Variants in MYLK3 observed in about 807,000 individuals in gnomAD.
The protein encoded by MYLK3 is MLC kinase.
Under a neutral mutation model 76.3 loss-of-function variants are expected in MYLK3, and 55 were observed. The observed-to-expected ratio is 0.72, with a 90% CI of 0.58 to 0.90. The LOEUF is 0.90. Ranked by LOEUF, MYLK3 falls within the 40% of genes least tolerant of loss-of-function variation. The probability of loss-of-function intolerance (pLI) is 0.00; values close to 1 mark genes in which losing one functional copy is unlikely to be tolerated. For missense variants in MYLK3, 973 were observed against 1,053.6 expected (o/e 0.92, Z 1.06); for synonymous variants, 416 against 425.4 (o/e 0.98, Z 0.27).
chr16:46,714,019 C>T (rs1401567987), intron 9 of MYLK3, among the ~76,000 whole-genome samples: 4 of 152,060 alleles, frequency 2.6e-5, no homozygotes, highest in Non-Finnish European at 5.9e-5. Context: ...TTTTTAACCA[C>T]AATTCCAAAA....
In MYLK3 at chr16:46,706,293, CT is replaced by C. The variant is rs60275113; in HGVS notation, c.*1410del. Reference sequence around the variant, plus strand: ...TGTGTATATATACATATACTGTATTCTTTTTTTTTTTTTTTTTTGAGACGGA... The same window carrying C: ...TGTGTATATATACATATACTGTATTCTTTTTTTTTTTTTTTTTGAGACGGA... On this transcript the variant is annotated 3_prime_UTR_variant, in exon 13 of 13. Coordinates refer to ENST00000394809, the MANE Select transcript of MYLK3 (RefSeq NM_182493.3). 2.7e-3 allele frequency: 353 copies of C among 131,900 alleles called. No individual in the cohort carries two copies. Among genetic ancestry groups the C allele is most frequent in the African/African-American group, 3.8e-3 (136 of 36,066 alleles). The allele number at this position is 131,900 out of a possible 1,614,324, so 8.2% of individuals were successfully genotyped here.
Position 46,737,588 on chromosome 16 carries a change from C to T in MYLK3, c.1001+123G>A, listed in dbSNP as rs1327086418. On this transcript the variant is annotated intron_variant, in intron 3 of 12. Transcript: ENST00000394809. ...CCCAGAGGCAGGGCCCAGGCCTCCT[C>T]CCCATTCCCCTCGCAAGAACAGCCC... 2.1e-5 allele frequency: 20 copies of T among 954,964 alleles called. No homozygotes were observed. The Admixed American group carries it at 3.5e-4, about 17-fold the overall frequency. 59.2% of individuals were successfully genotyped at this position (954,964 alleles called of 1,614,324 possible). A position where few individuals can be genotyped will look rare whatever the true frequency, so the allele number is the denominator to read the frequency against.
rs142957920 is a variant in MYLK3, at chr16:46,730,746, C to G, written c.1463-48G>C. The G allele has an allele frequency of 5.4e-5, 84 of 1,557,690 alleles. 1 individual carries two copies. In the East Asian group the frequency reaches 1.9e-3, roughly 35 times the overall value. On this transcript the variant is annotated intron_variant, in intron 4 of 12. Coordinates refer to ENST00000394809, the MANE Select transcript of MYLK3 (RefSeq NM_182493.3). ...CTGTGAGCCTCCTCTGTGCAGCCCACACCTCTCGGTCACCTGTGCCAGACC... is the reference window on the plus strand; with the variant it reads ...CTGTGAGCCTCCTCTGTGCAGCCCAGACCTCTCGGTCACCTGTGCCAGACC...
chr16:46,707,971 T>C (rs991564758), intron 12 of MYLK3, among the ~76,000 whole-genome samples: 2 of 151,730 alleles, frequency 1.3e-5, no homozygotes, highest in African/African-American at 4.9e-5. Flanking sequence ...AGTGGGAAGA[T>C]ACATCATCCT....
At position 46,755,762 on chromosome 16, in the gene MYLK3, G is replaced by A. The variant is rs75669162; in HGVS notation, c.-114+7278C>T. 7.2e-4 allele frequency among the ~76,000 whole-genome samples: 110 copies of A among 152,206 alleles called. 1 individual carries two copies. The East Asian group carries it at 0.011, about 15-fold the overall frequency. On this transcript the variant is annotated intron_variant, in intron 1 of 11. Coordinates refer to the MYLK3 transcript ENST00000536476. ...TAACACATACCCTCATGGAGTGGTCGGGAGGTGCCATGAGAATGCCTGAGA... is the reference window on the plus strand; with the variant it reads ...TAACACATACCCTCATGGAGTGGTCAGGAGGTGCCATGAGAATGCCTGAGA...
rs556424839 is a variant in MYLK3, at chr16:46,721,615, G to C, written c.1915-422C>G. Among the ~76,000 whole-genome samples, 7 of 152,330 alleles carry C rather than the reference G, an allele frequency of 4.6e-5. No individual in the cohort carries two copies. In the South Asian group the frequency reaches 1.4e-3, roughly 32 times the overall value. The stretch of plus-strand genomic sequence containing the variant: ...ATTGCTGGGCTCAAGAGATCCTCCA[G>C]CCTCAGCCTCCCAAAATGCTGGGCT... On this transcript the variant is annotated intron_variant, in intron 8 of 12. Coordinates refer to ENST00000394809, the MANE Select transcript of MYLK3 (RefSeq NM_182493.3).
At chr16:46,720,681 C>T (rs1330369338) in intron 9 of MYLK3, among the ~76,000 whole-genome samples, 1 of 152,182 alleles carries the variant, frequency 6.6e-6, no homozygotes, top group East Asian at 1.9e-4. Context: ...AACACCTACC[C>T]ATGGCGCCAC....
intron 8 of MYLK3, chr16:46,726,571 A>C (rs1399110953): frequency 6.6e-6 from 1 of 151,494 alleles, no homozygotes; most frequent in African/African-American, 2.4e-5. Flanking sequence ...TCTCCAAAAA[A>C]GAAAGAGAGG....
At chr16:46,750,562 C>T (rs1017055981), upstream of MYLK3, among the ~76,000 whole-genome samples, 4 of 152,154 alleles carry the variant, frequency 2.6e-5, no homozygotes, top group South Asian at 2.1e-4. Flanking sequence ...GGCATGATGG[C>T]GTGCACCTAT....
In MYLK3 at chr16:46,712,690, A is replaced by G; in HGVS notation, c.2072T>C (p.Phe691Ser). The G allele has an allele frequency of 6.3e-7, 1 of 1,595,442 alleles. No individual in the cohort carries two copies. The highest frequency in any genetic ancestry group is 8.5e-7 in the Non-Finnish European group (1 of 1,170,670). The change falls in exon 10 of 13, where the codon TTC (phenylalanine) becomes TCC (serine). Residue 691 changes from phenylalanine (F) to serine (S), a missense_variant. Around this residue, in one of 2 missense-constraint regions of MYLK3, gnomAD observed 332 missense variants for 416.6 expected, o/e 0.80. Transcript: ENST00000394809. ...TCCCACACTCCACATGTCTGTGGGG[A>G]ATGAGACAAACTCATAATTGACGAC... ...PEVVNYEFVSFPTDMWSVGVI... is the reference protein window; with the variant it reads ...PEVVNYEFVSSPTDMWSVGVI...
At chr16:46,740,548 TA>T (rs1966913318) in intron 1 of MYLK3, among the ~76,000 whole-genome samples, 11 of 102,506 alleles carry the variant, frequency 1.1e-4, no homozygotes, top group African/African-American at 4.0e-4. Context: ...TATATATATA[TA>T]TATTTTTTTT....
chr16:46,709,474 A>G, intron 12 of MYLK3, 65 bp downstream of exon 12: 2 of 1,511,300 alleles, frequency 1.3e-6, no homozygotes, highest in Non-Finnish European at 1.8e-6. Context: ...AAACTTAGCT[A>G]CAGTTTTTTC....
At chr16:46,747,696 G>A (rs1353788835) in intron 1 of MYLK3, 21 bp downstream of exon 1, 6 of 1,601,786 alleles carry the variant, frequency 3.7e-6, no homozygotes. Flanking sequence ...ATCCAGCCAG[G>A]GCAGGGAAGC....
Position 46,737,700 on chromosome 16 carries a change from G to A in MYLK3, c.1001+11C>T. 1.3e-6 allele frequency: 2 copies of A among 1,584,382 alleles called. No individual in the cohort carries two copies. Among genetic ancestry groups the A allele is most frequent in the Non-Finnish European group, 8.6e-7 (1 of 1,161,972 alleles). On this transcript the variant is annotated intron_variant, in intron 3 of 12. Transcript: ENST00000394809. ...CCCCTCCCTCACCCAGCCTGGAAGAGCTCCCCTTACCTTGGAGGTGTTTCT... is the reference window on the plus strand; with the variant it reads ...CCCCTCCCTCACCCAGCCTGGAAGAACTCCCCTTACCTTGGAGGTGTTTCT...
chr16:46,727,977 T>C (rs2143014515), intron 7 of MYLK3, among the ~76,000 whole-genome samples: 1 of 152,352 alleles, frequency 6.6e-6, no homozygotes, highest in South Asian at 2.1e-4. Context: ...ACCAGGGCTG[T>C]GAACTCATTC....
intron 1 of MYLK3, among the ~76,000 whole-genome samples, chr16:46,758,707 G>T (rs141181878): frequency 5.3e-5 from 8 of 152,260 alleles, no homozygotes; most frequent in Admixed American, 3.3e-4. Flanking sequence ...GATGGGAAGG[G>T]GCTTTCTGAA....
intron 1 of MYLK3, 69 bp from the exon 2 acceptor site, chr16:46,740,216 T>C: frequency 8.0e-7 from 1 of 1,242,716 alleles, no homozygotes; most frequent in Non-Finnish European, 1.2e-6. Context: ...AGACATTTGT[T>C]TAGCACCTCC....
At chr16:46,716,473 ATGTG>A (rs1203160291) in intron 9 of MYLK3, among the ~76,000 whole-genome samples, 4 of 146,400 alleles carry the variant, frequency 2.7e-5, no homozygotes, top group African/African-American at 7.6e-5. Flanking sequence ...GTATATATAT[ATGTG>A]TGTGTGTATG....
chr16:46,737,864 C>T lies in MYLK3; in HGVS notation c.848G>A (p.Gly283Asp), dbSNP rs761236662. The T allele has an allele frequency of 6.2e-7, 1 of 1,614,136 alleles. No individual in the cohort carries two copies. The highest frequency in any genetic ancestry group is 2.2e-5 in the East Asian group (1 of 44,888). The change falls in exon 3 of 13, where the codon GGT becomes GAT. Residue 283 changes from glycine to aspartate, a missense_variant. By Grantham distance (94) the Gly-to-Asp change is moderately conservative (BLOSUM62 -1). This residue lies in a region of MYLK3 where 641 missense variants were observed against 637.0 expected (regional missense o/e 1.01). Transcript: ENST00000394809. Reference protein sequence around the residue: ...VVSPSLEVAPGAGQGASSSRP... With the variant: ...VVSPSLEVAPDAGQGASSSRP... ...GCTGGACGATGCTCCTTGTCCTGCA[C>T]CTGGTGCAACCTCCAGGCTCGGGGA... is the stretch of plus-strand genomic sequence containing the variant.
Sources: gnomAD v4.1 joint callset for allele counts (sites outside exome capture counted in the v4.1 genomes callset) on GRCh38, gnomAD v4.1.1 for gene constraint, gnomAD v4.1.1 regional missense constraint, MANE v1.5 for transcripts, NCBI Gene and HGNC (gene_info 2026-07-23, HGNC 2026-07-21) for gene names.